ARRB1: variants seen among roughly 807,000 people sequenced by gnomAD.
ARRB1 encodes the protein arrestin beta 1.
A neutral mutation model predicts 56.8 loss-of-function variants in ARRB1; 21 were observed. The ratio of observed to expected loss-of-function variants is 0.37; its 90% CI spans 0.26 to 0.53. ARRB1 has a LOEUF of 0.53. Among genes scored for constraint, ARRB1 ranks in the 20% least tolerant of loss-of-function variants. The pLI is 0.88. For synonymous variants in ARRB1, 210 were observed against 218.6 expected (o/e 0.96, Z 0.35); for missense variants, 424 against 553.7 (o/e 0.77, Z 2.35).
At chr11:75,298,917 A>ATTAACATAATGTTAATTATGTTAAT (rs1565125240) in intron 1 of ARRB1, among the ~76,000 whole-genome samples, 12 of 149,014 alleles carry the variant, frequency 8.1e-5, no homozygotes, top group African/African-American at 3.1e-4. Flanking sequence ...TGTTAAGTAA[A>ATTAACATAATGTTAATTATGTTAAT]TTAACATAAT....
chr11:75,261,206 G>GTGTGTGTGTGTGTGTGTA lies in ARRB1; in HGVS notation c.*4956_*4957insTACACACACACACACACA, dbSNP rs1555149827. 8 of 152,026 alleles carry GTGTGTGTGTGTGTGTGTA rather than the reference G, an allele frequency of 5.3e-5. No homozygotes were observed. The highest frequency in any genetic ancestry group is 1.9e-4 in the African/African-American group (8 of 41,158). The allele number at this position is 152,026 out of a possible 1,614,324, so 9.4% of individuals were successfully genotyped here. On this transcript the variant is annotated 3_prime_UTR_variant, in exon 16 of 16. Transcript: ENST00000420843. ...CGTGTGTGTGTGTGTGTGTGTGTGT[G>GTGTGTGTGTGTGTGTGTA]TGTGTGTGTGTGTGTATAAATGCTT...
At chr11:75,270,352 G>A (rs1946049411) in intron 13 of ARRB1, among the ~76,000 whole-genome samples, 1 of 151,848 alleles carries the variant, frequency 6.6e-6, no homozygotes. Flanking sequence ...AAATTAGGCT[G>A]GGCGCGGTGG....
At chr11:75,294,309 C>T (rs994139359) in intron 1 of ARRB1, among the ~76,000 whole-genome samples, 1 of 152,104 alleles carries the variant, frequency 6.6e-6, no homozygotes, top group Non-Finnish European at 1.5e-5. Context: ...GGGATCATGC[C>T]TGTAATCCCA....
At chr11:75,269,050 A>C in intron 13 of ARRB1, 91 bp from the exon 14 acceptor site, 1 of 1,422,540 alleles carries the variant, frequency 7.0e-7, no homozygotes, top group South Asian at 1.2e-5. Flanking sequence ...AGGACTGCAG[A>C]GGGTTTTGCC....
At chr11:75,268,035 C>CT (rs997827199) in intron 14 of ARRB1, among the ~76,000 whole-genome samples, 6 of 152,306 alleles carry the variant, frequency 3.9e-5, no homozygotes, top group Non-Finnish European at 8.8e-5. Flanking sequence ...CTAAGACAAT[C>CT]TTTTTTATAT....
rs772784003 is a variant in ARRB1, at chr11:75,276,811, G to T, written c.776+28C>A. 4.3e-6 allele frequency: 7 copies of T among 1,611,100 alleles called. No individual in the cohort carries two copies. In the South Asian group the frequency reaches 4.4e-5, roughly 10 times the overall value. On this transcript the variant is annotated intron_variant, in intron 10 of 15. Coordinates refer to ENST00000420843, the MANE Select transcript of ARRB1 (RefSeq NM_004041.5). ...CTCTTTTTCCCACCCAATCCCATAC[G>T]CCCAAGGCCAGACTTGTGCCCACTT... is the stretch of plus-strand genomic sequence containing the variant.
At chr11:75,347,131 A>AC (rs1947781558) in intron 1 of ARRB1, among the ~76,000 whole-genome samples, 1 of 152,280 alleles carries the variant, frequency 6.6e-6, no homozygotes, top group Non-Finnish European at 1.5e-5. Context: ...ACCCATGCCA[A>AC]CGGGAGGCGT....
At chr11:75,267,931 C>G (rs1337158841) in intron 14 of ARRB1, among the ~76,000 whole-genome samples, 1 of 152,222 alleles carries the variant, frequency 6.6e-6, no homozygotes, top group East Asian at 1.9e-4. Flanking sequence ...ACTGCAGCCC[C>G]AGAAGAACAG....
chr11:75,350,820 T>G (rs1947837038), intron 1 of ARRB1, among the ~76,000 whole-genome samples: 1 of 152,114 alleles, frequency 6.6e-6, no homozygotes, highest in Admixed American at 6.5e-5. Flanking sequence ...CTGTGTGATG[T>G]GTGTGTTTCC....
intron 1 of ARRB1, among the ~76,000 whole-genome samples, chr11:75,317,996 G>A (rs535549431): frequency 3.9e-5 from 6 of 152,204 alleles, no homozygotes; most frequent in South Asian, 2.1e-4. Flanking sequence ...TCCACCCACC[G>A]AGACGCTTAG....
chr11:75,270,665 C>T (rs1946057317), intron 13 of ARRB1, among the ~76,000 whole-genome samples: 1 of 151,686 alleles, frequency 6.6e-6, no homozygotes, highest in African/African-American at 2.4e-5. Context: ...TAGTAGAGCA[C>T]ACCTGTAGTC....
intron 3 of ARRB1, among the ~76,000 whole-genome samples, chr11:75,286,618 T>A (rs1176498286): frequency 2.6e-5 from 4 of 152,066 alleles, no homozygotes; most frequent in Admixed American, 2.6e-4. Context: ...GGGCATCGAA[T>A]GAGTAGAGAC....
At chr11:75,321,587 C>T (rs1947350500) in intron 1 of ARRB1, among the ~76,000 whole-genome samples, 13 of 152,144 alleles carry the variant, frequency 8.5e-5, no homozygotes, top group Admixed American at 8.5e-4. Context: ...CTTTCATTCA[C>T]TTTTTTATCC....
At chr11:75,331,522 C>G (rs987904925) in intron 1 of ARRB1, among the ~76,000 whole-genome samples, 1 of 151,682 alleles carries the variant, frequency 6.6e-6, no homozygotes, top group African/African-American at 2.4e-5. Context: ...TTAACTGATG[C>G]CTTTATCTTG....
chr11:75,273,391 C>T (rs988485974), intron 11 of ARRB1, among the ~76,000 whole-genome samples: 3 of 152,092 alleles, frequency 2.0e-5, no homozygotes, highest in Non-Finnish European at 2.9e-5. Context: ...AGGACTTCTC[C>T]GCAGAGGTGG....
At chr11:75,305,105 A>C (rs1290445422) in intron 1 of ARRB1, among the ~76,000 whole-genome samples, 2 of 137,806 alleles carry the variant, frequency 1.5e-5, no homozygotes, top group Non-Finnish European at 3.0e-5. Context: ...ATCTCGGCTC[A>C]CTGCAACCTC....
chr11:75,333,315 G>A (rs1349773074), intron 1 of ARRB1, among the ~76,000 whole-genome samples: 2 of 152,260 alleles, frequency 1.3e-5, no homozygotes, highest in Non-Finnish European at 2.9e-5. Flanking sequence ...GGAGCACACA[G>A]TAGGTGTGTT....
At chr11:75,274,327 C>T (rs1054251744) in intron 10 of ARRB1, 116 bp from the exon 11 acceptor site, 5 of 1,457,514 alleles carry the variant, frequency 3.4e-6, no homozygotes, top group South Asian at 2.6e-5. Flanking sequence ...CTCTCCCAAC[C>T]TCTGTCCCCC....
intron 10 of ARRB1, chr11:75,274,898 G>C (rs1367436765): frequency 2.6e-5 from 4 of 152,740 alleles, no homozygotes; most frequent in African/African-American, 9.7e-5. Context: ...CTAGGAGTTT[G>C]AGACCAGCCT....
Sources: allele counts gnomAD v4.1 joint callset (sites outside exome capture counted in the v4.1 genomes callset), GRCh38; gene constraint gnomAD v4.1.1; transcripts MANE v1.5; gene names NCBI Gene and HGNC (gene_info 2026-07-23, HGNC 2026-07-21).